CLPTM1L: variants seen among roughly 807,000 people sequenced by gnomAD.
CLPTM1L encodes lipid scramblase CLPTM1L.
A neutral mutation model predicts 70.9 loss-of-function variants in CLPTM1L; 38 were observed. The ratio of observed to expected loss-of-function variants is 0.54; its 90% confidence interval spans 0.41 to 0.70. CLPTM1L has a LOEUF of 0.70. CLPTM1L is among the 30% of genes least tolerant of loss of function. CLPTM1L has a pLI of 0.00. For missense variants in CLPTM1L, 652 were observed against 705.9 expected (o/e 0.92, Z 0.87); for synonymous variants, 339 against 299.9 (o/e 1.13, Z -1.35).
chr5:1,320,766 T>A (rs1270784840), intron 15 of CLPTM1L, 35 bp from the exon 16 acceptor site: 9 of 1,261,810 alleles, frequency 7.1e-6, no homozygotes, highest in Non-Finnish European at 1.0e-5. Flanking sequence ...TGAACCCCAG[T>A]TGCTGGGGCT....
At chr5:1,321,513 G>T in intron 15 of CLPTM1L, 122 bp downstream of exon 15, 1 of 855,620 alleles carries the variant, frequency 1.2e-6, no homozygotes, top group Non-Finnish European at 2.0e-6. Flanking sequence ...ATTCTTCAAT[G>T]AAAGGGACAG....
chr5:1,341,623 C>T, intron 3 of CLPTM1L, 48 bp downstream of exon 3: 1 of 1,504,606 alleles, frequency 6.6e-7, no homozygotes, highest in African/African-American at 1.4e-5. Context: ...CATGTCCGTT[C>T]TGACGGAGAG....
chr5:1,341,277 C>A (rs1012221608), intron 3 of CLPTM1L, among the ~76,000 whole-genome samples: 2 of 152,162 alleles, frequency 1.3e-5, no homozygotes, highest in Non-Finnish European at 2.9e-5. Context: ...TAGGAATAGC[C>A]CAGTCCTACA....
At chr5:1,334,455 T>C (rs1053743223) in intron 6 of CLPTM1L, 72 bp from the exon 7 acceptor site, 1 of 1,152,366 alleles carries the variant, frequency 8.7e-7, no homozygotes, top group East Asian at 2.4e-5. Context: ...AAATACAGTT[T>C]TCAATATAAA....
In CLPTM1L at chr5:1,318,479, AGC is replaced by A; in HGVS notation, c.1533-28_1533-27del. 6.3e-7 allele frequency: 1 copy of A among 1,592,994 alleles called. No homozygotes were observed. Among genetic ancestry groups the A allele is most frequent in the Non-Finnish European group, 8.6e-7 (1 of 1,162,118 alleles). ...CTGCAATGACACAAATGAGCACATC[AGC>A]AAACCCCACTGCAGGGGCTATTTTT... is the stretch of plus-strand genomic sequence containing the variant. On this transcript the variant is annotated intron_variant, in intron 16 of 16. Coordinates refer to ENST00000320895, the MANE Select transcript of CLPTM1L (RefSeq NM_030782.5). The surrounding 1 kb of genome is among the most constrained non-coding windows in gnomAD (Gnocchi z 8.9).
intron 7 of CLPTM1L, among the ~76,000 whole-genome samples, chr5:1,333,409 ATACACACAC>A (rs1753285660): frequency 1.9e-5 from 1 of 52,296 alleles, no homozygotes; most frequent in African/African-American, 6.5e-5. Flanking sequence ...GGACTACTGT[ATACACACAC>A]GGGATGAGGA....
chr5:1,336,015 C>T (rs1021087245), intron 5 of CLPTM1L, among the ~76,000 whole-genome samples: 20 of 152,248 alleles, frequency 1.3e-4, no homozygotes, highest in African/African-American at 3.1e-4. Context: ...TCTGCTATGG[C>T]GGGCACTGCT....
chr5:1,322,126 C>T (rs934904532), intron 13 of CLPTM1L, among the ~76,000 whole-genome samples: 3 of 152,234 alleles, frequency 2.0e-5, no homozygotes, highest in East Asian at 3.9e-4. Context: ...TATGAGGACA[C>T]GGCCTCCTGA....
At chr5:1,320,585 G>T (rs1752092808) in intron 16 of CLPTM1L, 31 bp downstream of exon 16, 12 of 1,265,902 alleles carry the variant, frequency 9.5e-6, no homozygotes, top group African/African-American at 1.5e-5. Context: ...CTGAGACGGA[G>T]CAACGGCCGA....
intron 7 of CLPTM1L, among the ~76,000 whole-genome samples, chr5:1,333,915 C>T (rs1323512350): frequency 1.3e-5 from 2 of 152,126 alleles, no homozygotes; most frequent in African/African-American, 4.8e-5. Context: ...AGCTCCGCCC[C>T]TGGCTCTGCA....
At position 1,318,193 on chromosome 5, in the gene CLPTM1L, C is replaced by T. The variant is rs1477707361; in HGVS notation, c.*176G>A. 51 of 607,768 alleles carry T rather than the reference C, an allele frequency of 8.4e-5. No individual in the cohort carries two copies. In the Admixed American group the frequency reaches 1.3e-3, roughly 16 times the overall value. The allele number at this position is 607,768 out of a possible 1,614,324, so 37.6% of individuals were successfully genotyped here. A position where few individuals can be genotyped will look rare whatever the true frequency, so the allele number is the denominator to read the frequency against. ...GACAGATGTTCACACGTGGGGGCAT[C>T]GTAAGCGCTACCAGCTCCAAATCTG... On this transcript the variant is annotated 3_prime_UTR_variant, in exon 17 of 17. Coordinates refer to ENST00000320895, the MANE Select transcript of CLPTM1L (RefSeq NM_030782.5). This position sits in a 1 kb window ranked among gnomAD's most constrained non-coding sequence, Gnocchi z 8.9.
intron 5 of CLPTM1L, among the ~76,000 whole-genome samples, chr5:1,337,304 G>T (rs1359338984): frequency 6.6e-6 from 1 of 152,238 alleles, no homozygotes; most frequent in African/African-American, 2.4e-5. Flanking sequence ...ACTGGCCAAA[G>T]GTTGGCCACA....
At chr5:1,338,362 C>G (rs950800633) in intron 4 of CLPTM1L, 1 of 293,802 alleles carries the variant, frequency 3.4e-6, no homozygotes, top group East Asian at 7.4e-5. Context: ...CTTGGAAGGG[C>G]GAGTCACCTG....
At chr5:1,326,156 T>G in intron 9 of CLPTM1L, 1 of 334,660 alleles carries the variant, frequency 3.0e-6, no homozygotes, top group Non-Finnish European at 5.5e-6. Flanking sequence ...GAGCCAGTTT[T>G]GGGACCGCTC....
At position 1,342,039 on chromosome 5, in the gene CLPTM1L, T is replaced by TGCGTGTGTGTGCGCGC. The variant is rs71309294; in HGVS notation, c.264-180_264-179insGCGCGCACACACACGC. On this transcript the variant is annotated intron_variant, in intron 2 of 16. Coordinates refer to ENST00000320895, the MANE Select transcript of CLPTM1L (RefSeq NM_030782.5). The surrounding 1 kb of genome is among the most constrained non-coding windows in gnomAD (Gnocchi z 4.3). The stretch of plus-strand genomic sequence containing the variant: ...GTGTGTGTGTGTGTGTGTGTGTGTG[T>TGCGTGTGTGTGCGCGC]GCACGCGCACGCGTGCGCGTCCTGA... Among the ~76,000 whole-genome samples the TGCGTGTGTGTGCGCGC allele has an allele frequency of 6.7e-6, 1 of 148,976 alleles. No individual in the cohort carries two copies. The highest frequency in any genetic ancestry group is 2.5e-5 in the African/African-American group (1 of 39,664).
Position 1,344,461 on chromosome 5 carries a change from A to AG in CLPTM1L, c.163-11dup, listed in dbSNP as rs1332939956. Reference sequence around the variant, plus strand: ...TGGTGTACACGCTCAGCTGGAAAGGAGGGGGCGTCGAGAGTCAGCTCGGCC... The same window carrying AG: ...TGGTGTACACGCTCAGCTGGAAAGGAGGGGGGCGTCGAGAGTCAGCTCGGCC... On this transcript the variant is annotated splice_polypyrimidine_tract_variant and intron_variant, in intron 1 of 16. Coordinates refer to ENST00000320895, the MANE Select transcript of CLPTM1L (RefSeq NM_030782.5). 17 of 1,610,880 alleles carry AG rather than the reference A, an allele frequency of 1.1e-5. No homozygotes were observed. The highest frequency in any genetic ancestry group is 1.4e-5 in the Non-Finnish European group (16 of 1,177,662).
chr5:1,334,191 C>G, intron 7 of CLPTM1L, 98 bp downstream of exon 7: 1 of 796,680 alleles, frequency 1.3e-6, no homozygotes, highest in Non-Finnish European at 2.1e-6. Context: ...CAGGGCTGGA[C>G]GGCGCCCACA....
intron 5 of CLPTM1L, among the ~76,000 whole-genome samples, chr5:1,336,359 T>C (rs1753578891): frequency 6.6e-6 from 1 of 152,226 alleles, no homozygotes; most frequent in Non-Finnish European, 1.5e-5. Flanking sequence ...GAAAAGCTGC[T>C]GTCGGCACAC....
At chr5:1,332,261 G>A in intron 7 of CLPTM1L, 1 of 205,454 alleles carries the variant, frequency 4.9e-6, no homozygotes, top group South Asian at 1.1e-4. Flanking sequence ...CGCAAGGGCT[G>A]GGCATGGTGG....
Sources: gnomAD v4.1 joint callset for allele counts (sites outside exome capture counted in the v4.1 genomes callset) on GRCh38, gnomAD v4.1.1 for gene constraint, Gnocchi (gnomAD v3.1) non-coding constraint, MANE v1.5 for transcripts, NCBI Gene and HGNC (gene_info 2026-07-23, HGNC 2026-07-21) for gene names.